The following MEI4 variants were observed in gnomAD, a reference collection of about 807,000 sequenced individuals.
The protein encoded by MEI4 is meiotic double-stranded break formation protein 4.
MEI4 carries 27 observed loss-of-function variants against 31.4 expected under a neutral mutation model. The ratio of observed to expected loss-of-function variants is 0.86; its 90% CI spans 0.63 to 1.19. The LOEUF is 1.19. MEI4 is among the 50% of genes most tolerant of loss of function. The pLI, the probability that MEI4 is intolerant of heterozygous loss-of-function variation, is 0.00. For synonymous variants in MEI4, 122 were observed against 145.4 expected (o/e 0.84, Z 1.16); for missense variants, 329 against 398.9 (o/e 0.82, Z 1.49).
intron 3 of MEI4, among the ~76,000 whole-genome samples, chr6:77,783,561 C>T (rs2127692042): frequency 6.6e-6 from 1 of 152,186 alleles, no homozygotes; most frequent in Non-Finnish European, 1.5e-5. Flanking sequence ...TCTTAGTTTA[C>T]TTCATCAAAA....
chr6:77,672,466 A>C (rs9350715), intron 1 of MEI4, among the ~76,000 whole-genome samples: 57,037 of 152,124 alleles, frequency 0.37, 10,944 homozygotes, highest in African/African-American at 0.42. Flanking sequence ...TTGCTAAATA[A>C]CAAAGCATTG....
At chr6:77,816,571 T>C (rs1291530020) in intron 3 of MEI4, among the ~76,000 whole-genome samples, 1 of 152,134 alleles carries the variant, frequency 6.6e-6, no homozygotes, top group Non-Finnish European at 1.5e-5. Context: ...TCCAAGTCTT[T>C]GCTATTGTGA....
chr6:77,883,068 A>T (rs1470558633), intron 4 of MEI4, among the ~76,000 whole-genome samples: 2 of 152,170 alleles, frequency 1.3e-5, no homozygotes, highest in Non-Finnish European at 2.9e-5. Context: ...TCGGTTAAGT[A>T]AATTAATTGA....
chr6:77,778,369 A>C (rs560695250), intron 3 of MEI4, among the ~76,000 whole-genome samples: 4 of 152,150 alleles, frequency 2.6e-5, no homozygotes, highest in Non-Finnish European at 4.4e-5. Context: ...AATGTTATAA[A>C]ACTATCCTAT....
intron 3 of MEI4, among the ~76,000 whole-genome samples, chr6:77,799,553 C>T (rs1008556153): frequency 2.0e-5 from 3 of 152,160 alleles, no homozygotes; most frequent in Non-Finnish European, 4.4e-5. Flanking sequence ...GTGTTTTAGA[C>T]ATGAAGTCAT....
intron 4 of MEI4, among the ~76,000 whole-genome samples, chr6:77,916,365 A>G (rs1156911973): frequency 6.6e-6 from 1 of 152,148 alleles, no homozygotes; most frequent in South Asian, 2.1e-4. Context: ...AACATCTGGT[A>G]TATCAGTTGC....
intron 3 of MEI4, among the ~76,000 whole-genome samples, chr6:77,798,772 T>C (rs1401172360): frequency 6.6e-6 from 1 of 151,754 alleles, no homozygotes; most frequent in Non-Finnish European, 1.5e-5. Flanking sequence ...GATAGTTTAC[T>C]GAGAATGATG....
At chr6:77,795,172 A>G (rs1345152746) in intron 3 of MEI4, among the ~76,000 whole-genome samples, 1 of 152,166 alleles carries the variant, frequency 6.6e-6, no homozygotes, top group Non-Finnish European at 1.5e-5. Flanking sequence ...GAAAAAGAAG[A>G]AACTAAGCCC....
intron 2 of MEI4, among the ~76,000 whole-genome samples, chr6:77,704,188 C>T (rs1766283276): frequency 6.6e-6 from 1 of 152,086 alleles, no homozygotes; most frequent in South Asian, 2.1e-4. Context: ...TTTGTTTTTG[C>T]TGAGTTCATT....
intron 2 of MEI4, among the ~76,000 whole-genome samples, chr6:77,707,562 G>A (rs1766360483): frequency 6.6e-6 from 1 of 152,176 alleles, no homozygotes; most frequent in Admixed American, 6.5e-5. Flanking sequence ...TTTCTAGAGA[G>A]ATTTGCTTGA....
intron 4 of MEI4, among the ~76,000 whole-genome samples, chr6:77,877,576 T>G (rs1379392109): frequency 6.6e-6 from 1 of 152,072 alleles, no homozygotes; most frequent in African/African-American, 2.4e-5. Flanking sequence ...CAAACTTGAA[T>G]AACAATCTTA....
intron 1 of MEI4, among the ~76,000 whole-genome samples, chr6:77,655,942 A>C (rs2127640630): frequency 6.6e-6 from 1 of 152,306 alleles, no homozygotes; most frequent in Non-Finnish European, 1.5e-5. Context: ...AATGTTCTGA[A>C]GTAGGTTCTT....
chr6:77,683,213 C>T (rs1394470541), intron 1 of MEI4, among the ~76,000 whole-genome samples: 7 of 151,952 alleles, frequency 4.6e-5, no homozygotes, highest in African/African-American at 7.2e-5. Context: ...AATGCTTCTT[C>T]ATTTTGCTTT....
chr6:77,785,648 G>C (rs1016401121), intron 3 of MEI4, among the ~76,000 whole-genome samples: 4 of 152,162 alleles, frequency 2.6e-5, no homozygotes, highest in Non-Finnish European at 5.9e-5. Flanking sequence ...ATTTTTATGA[G>C]AAGGGTTATT....
intron 2 of MEI4, among the ~76,000 whole-genome samples, chr6:77,696,255 T>G (rs1582032267): frequency 6.6e-6 from 1 of 152,302 alleles, no homozygotes; most frequent in East Asian, 1.9e-4. Flanking sequence ...ATACCCTTTA[T>G]TTCCTTCTCC....
intron 2 of MEI4, among the ~76,000 whole-genome samples, chr6:77,735,161 C>G (rs1767149209): frequency 6.6e-6 from 1 of 151,952 alleles, no homozygotes; most frequent in East Asian, 1.9e-4. Context: ...TCTGTATTTC[C>G]TGAATTTGAA....
chr6:77,832,961 G>C (rs573842769), intron 4 of MEI4, among the ~76,000 whole-genome samples: 39 of 152,172 alleles, frequency 2.6e-4, no homozygotes, highest in African/African-American at 9.1e-4. Flanking sequence ...AGGTGGTTTT[G>C]TGAACTCTTA....
intron 3 of MEI4, among the ~76,000 whole-genome samples, chr6:77,772,235 C>G (rs186008357): frequency 3.7e-5 from 5 of 133,788 alleles, no homozygotes; most frequent in Admixed American, 3.2e-4. Context: ...ACCCTGAAAG[C>G]AAAACCAGAC....
chr6:77,736,585 C>A (rs1325149641), intron 2 of MEI4, among the ~76,000 whole-genome samples: 2 of 152,076 alleles, frequency 1.3e-5, no homozygotes, highest in Non-Finnish European at 2.9e-5. Context: ...ATGCAGAAAT[C>A]ATTCGTCTTC....
Sources: gnomAD v4.1 joint callset for allele counts (sites outside exome capture counted in the v4.1 genomes callset) on GRCh38, gnomAD v4.1.1 for gene constraint, MANE v1.5 for transcripts, NCBI Gene and HGNC (gene_info 2026-07-23, HGNC 2026-07-21) for gene names.